Variants in ANKRD13A observed in about 807,000 individuals in gnomAD.
ANKRD13A encodes ankyrin repeat domain-containing protein 13A.
In ANKRD13A, 48 loss-of-function variants were observed where a neutral mutation model predicts 81.3. The observed-to-expected ratio is 0.59, with a 90% CI of 0.47 to 0.75. The LOEUF (loss-of-function observed/expected upper bound fraction) is 0.75. Among genes scored for constraint, ANKRD13A ranks in the 30% least tolerant of loss-of-function variants. The pLI is 0.00. For synonymous variants in ANKRD13A, 230 were observed against 270.1 expected (o/e 0.85, Z 1.45); for missense variants, 612 against 734.0 (o/e 0.83, Z 1.92).
At position 110,036,408 on chromosome 12, in the gene ANKRD13A, C is replaced by T. The variant is rs940917272; in HGVS notation, c.1577+80C>T. 1.4e-6 allele frequency: 2 copies of T among 1,425,808 alleles called. No homozygotes were observed. The highest frequency in any genetic ancestry group is 2.0e-6 in the Non-Finnish European group (2 of 1,010,348). 88.3% of individuals were successfully genotyped at this position (1,425,808 alleles called of 1,614,324 possible). On this transcript the variant is annotated intron_variant, in intron 14 of 14. Coordinates refer to ENST00000261739, the MANE Select transcript of ANKRD13A (RefSeq NM_033121.2). This position sits in a 1 kb window ranked among gnomAD's most constrained non-coding sequence, Gnocchi z 4.6. ...AGGCGAGCAGACGCGTGGCACTGTG[C>T]ATTTGGTCCTCAGGCAGATGTACGG... is the stretch of plus-strand genomic sequence containing the variant.
Position 110,018,460 on chromosome 12 carries a change from G to A in ANKRD13A, c.516G>A (p.Gly172=), listed in dbSNP as rs1451326009. 2 of 1,614,102 alleles carry A rather than the reference G, an allele frequency of 1.2e-6. No homozygotes were observed. The highest frequency in any genetic ancestry group is 1.7e-6 in the Non-Finnish European group (2 of 1,180,056). ...TTGAAAACATGAGCTGGATAAGAGG[G>A]AGGCGTAGTTTTATATTTAAGGGAG... ...LGFENMSWIR[G]RRSFIFKGED... is the part of the protein sequence containing the mutation. Residue 172 remains glycine, a synonymous_variant, in exon 5 of 15, where the codon GGG becomes GGA. Transcript: ENST00000261739. The surrounding 1 kb of genome is among the most constrained non-coding windows in gnomAD (Gnocchi z 4.4).
intron 6 of ANKRD13A, chr12:110,021,234 C>G (rs576101215): frequency 2.3e-6 from 1 of 439,552 alleles, no homozygotes; most frequent in Non-Finnish European, 4.6e-6. Context: ...GTGCATTGAG[C>G]AAGAATTGAG....
intron 6 of ANKRD13A, among the ~76,000 whole-genome samples, chr12:110,019,562 A>G (rs1890972645): frequency 6.6e-6 from 1 of 152,184 alleles, no homozygotes; most frequent in South Asian, 2.1e-4. Flanking sequence ...AAGAGTATGA[A>G]GAAATGTCTT....
In ANKRD13A at chr12:110,038,110, C is replaced by T. The variant is rs1892176593; in HGVS notation, c.*556C>T. ...TTCCTCCATCTATCTGATTCCATTC[C>T]TTCCACACCCAGCTAAAGTTAGAGG... On this transcript the variant is annotated 3_prime_UTR_variant, in exon 15 of 15. Transcript: ENST00000261739. 1 of 152,654 alleles carries T rather than the reference C, an allele frequency of 6.6e-6. No individual in the cohort carries two copies. Among genetic ancestry groups the T allele is most frequent in the African/African-American group, 2.4e-5 (1 of 41,412 alleles). The allele number at this position is 152,654 out of a possible 1,614,324, so 9.5% of individuals were successfully genotyped here. A position where few individuals can be genotyped will look rare whatever the true frequency, so the allele number is the denominator to read the frequency against.
chr12:110,033,569 AT>A (rs1234194581), intron 12 of ANKRD13A, among the ~76,000 whole-genome samples: 1 of 151,950 alleles, frequency 6.6e-6, no homozygotes, highest in Non-Finnish European at 1.5e-5. Flanking sequence ...AGTCTTGTGT[AT>A]TTTTTTATGA....
At chr12:110,012,484 G>A (rs1420396642) in intron 2 of ANKRD13A, among the ~76,000 whole-genome samples, 1 of 152,170 alleles carries the variant, frequency 6.6e-6, no homozygotes, top group Admixed American at 6.5e-5. Flanking sequence ...ATGGGGACAA[G>A]GAAATGGGAG....
intron 6 of ANKRD13A, among the ~76,000 whole-genome samples, chr12:110,020,239 C>T (rs1891012982): frequency 6.6e-6 from 1 of 152,218 alleles, no homozygotes; most frequent in South Asian, 2.1e-4. Context: ...ATCCAGCTCT[C>T]TGCAAGCCTA....
intron 13 of ANKRD13A, among the ~76,000 whole-genome samples, chr12:110,034,600 T>A (rs992747578): frequency 6.6e-6 from 1 of 152,182 alleles, no homozygotes; most frequent in Non-Finnish European, 1.5e-5. Context: ...CTGTGCCCAG[T>A]AGAACAGTTG....
intron 1 of ANKRD13A, among the ~76,000 whole-genome samples, chr12:110,009,592 C>T (rs1408571771): frequency 6.6e-6 from 1 of 152,166 alleles, no homozygotes; most frequent in East Asian, 1.9e-4. Context: ...CATTCCCCCT[C>T]TACTCTTTAT....
chr12:110,023,693 T>A (rs1411234547), intron 6 of ANKRD13A: 1 of 211,684 alleles, frequency 4.7e-6, no homozygotes, highest in Non-Finnish European at 9.6e-6. Context: ...CTGACCTGGT[T>A]ACCACCTTGT....
intron 1 of ANKRD13A, among the ~76,000 whole-genome samples, chr12:110,002,272 A>G (rs985389324): frequency 6.6e-6 from 1 of 152,210 alleles, no homozygotes; most frequent in African/African-American, 2.4e-5. Context: ...TTTTTGCTCT[A>G]TATTCCAGTT....
chr12:110,039,061 CTGTTT>C lies in ANKRD13A; in HGVS notation c.*1514_*1518del, dbSNP rs910486881. On this transcript the variant is annotated 3_prime_UTR_variant, in exon 15 of 15. Coordinates refer to ENST00000261739, the MANE Select transcript of ANKRD13A (RefSeq NM_033121.2). ...TGTGCTTTTAATTCCATTTCACAAT[CTGTTT>C]TGTTTTTTTTTTTTGTCATTGTCTG... The C allele has an allele frequency of 2.0e-5, 3 of 147,690 alleles. No individual in the cohort carries two copies. The highest frequency in any genetic ancestry group is 3.0e-5 in the Non-Finnish European group (2 of 67,624). The allele number at this position is 147,690 out of a possible 1,614,324, so 9.1% of individuals were successfully genotyped here.
chr12:110,007,008 T>C (rs966142187), intron 1 of ANKRD13A, among the ~76,000 whole-genome samples: 3 of 152,234 alleles, frequency 2.0e-5, no homozygotes, highest in African/African-American at 7.2e-5. Flanking sequence ...CAATTGACCA[T>C]AAATGTGTGG....
intron 3 of ANKRD13A, among the ~76,000 whole-genome samples, chr12:110,016,054 C>G (rs1232412134): frequency 2.0e-5 from 3 of 151,532 alleles, no homozygotes; most frequent in Non-Finnish European, 2.9e-5. Flanking sequence ...TGGCCTCAAG[C>G]AATCCTCCCA....
In ANKRD13A at chr12:109,999,618, C is replaced by G; in HGVS notation, c.-71C>G. Reference sequence around the variant, plus strand: ...GCTCGCCGGCCTCAGGGCAGGCAGGCGGGCGCGGGAGACCCCGCCGGGGCC... The same window carrying G: ...GCTCGCCGGCCTCAGGGCAGGCAGGGGGGCGCGGGAGACCCCGCCGGGGCC... On this transcript the variant is annotated 5_prime_UTR_variant, in exon 1 of 15. Transcript: ENST00000261739. This position sits in a 1 kb window ranked among gnomAD's most constrained non-coding sequence, Gnocchi z 4.3. 1 of 1,304,628 alleles carries G rather than the reference C, an allele frequency of 7.7e-7. No individual in the cohort carries two copies. Among genetic ancestry groups the G allele is most frequent in the Non-Finnish European group, 1.0e-6 (1 of 967,330 alleles). The allele number at this position is 1,304,628 out of a possible 1,614,324, so 80.8% of individuals were successfully genotyped here.
Position 110,015,953 on chromosome 12 carries a change from CT to C in ANKRD13A, c.355-420del, listed in dbSNP as rs559435860. Reference sequence around the variant, plus strand: ...ATGGGCTTACACTTGTTTTTTCTTTCTTTTTTTTTTTTTTTCCATACAGTAT... The same window carrying C: ...ATGGGCTTACACTTGTTTTTTCTTTCTTTTTTTTTTTTTTCCATACAGTAT... On this transcript the variant is annotated intron_variant, in intron 3 of 14. Coordinates refer to ENST00000261739, the MANE Select transcript of ANKRD13A (RefSeq NM_033121.2). Among the ~76,000 whole-genome samples, 1,128 of 139,422 alleles carry C rather than the reference CT, an allele frequency of 8.1e-3. 5 individuals carry two copies. The highest frequency in any genetic ancestry group is 0.025 in the South Asian group (109 of 4,404). 91.5% of individuals were successfully genotyped at this position (139,422 alleles called of 152,430 possible).
intron 12 of ANKRD13A, among the ~76,000 whole-genome samples, chr12:110,031,005 G>C (rs959627001): frequency 2.0e-5 from 3 of 151,994 alleles, no homozygotes; most frequent in Non-Finnish European, 4.4e-5. Context: ...TGAGGCAGGA[G>C]AATCGCTTGA....
intron 1 of ANKRD13A, 92 bp from the exon 2 acceptor site, chr12:110,011,913 T>G (rs1890543678): frequency 4.6e-6 from 6 of 1,305,472 alleles, no homozygotes; most frequent in African/African-American, 4.4e-5. Flanking sequence ...AAATATGTTT[T>G]CTATTTTTTG....
intron 12 of ANKRD13A, among the ~76,000 whole-genome samples, chr12:110,031,534 A>G (rs867856591): frequency 2.0e-5 from 3 of 152,220 alleles, no homozygotes; most frequent in South Asian, 4.2e-4. Context: ...TATTTTTATT[A>G]GAGACTGGGT....
Sources: gnomAD v4.1 joint callset for allele counts (sites outside exome capture counted in the v4.1 genomes callset) on GRCh38, gnomAD v4.1.1 for gene constraint, Gnocchi (gnomAD v3.1) non-coding constraint, MANE v1.5 for transcripts, NCBI Gene and HGNC (gene_info 2026-07-23, HGNC 2026-07-21) for gene names.